The following PTPRM variants were observed in gnomAD, a reference collection of about 807,000 sequenced individuals.
PTPRM encodes protein tyrosine phosphatase receptor type M, also known as receptor-type tyrosine-protein phosphatase mu.
PTPRM carries 47 observed loss-of-function variants against 186.7 expected under a neutral mutation model. The ratio of observed to expected loss-of-function variants is 0.25; its 90% CI spans 0.20 to 0.32. The LOEUF (loss-of-function observed/expected upper bound fraction) is 0.32, where lower values mean the gene tolerates loss of function less well. Among genes scored for constraint, PTPRM ranks in the 10% least tolerant of loss-of-function variants. The pLI, the probability that PTPRM is intolerant of heterozygous loss-of-function variation, is 1.00. For missense variants in PTPRM, 1,494 were observed against 1,865.0 expected (o/e 0.80, Z 3.66); for synonymous variants, 668 against 674.9 (o/e 0.99, Z 0.16).
intron 19 of PTPRM, 62 bp from the exon 20 acceptor site, chr18:8,296,306 A>G (rs1601684356): frequency 6.8e-6 from 7 of 1,031,328 alleles, no homozygotes; most frequent in Admixed American, 1.7e-5. Context: ...AACATCCTCC[A>G]TCGTTAAGAT....
intron 3 of PTPRM, among the ~76,000 whole-genome samples, chr18:7,903,505 A>C (rs1253939548): frequency 2.0e-5 from 3 of 152,202 alleles, no homozygotes; most frequent in East Asian, 3.9e-4. Flanking sequence ...TTTTTCCTTT[A>C]CTTGCTCTCA....
At chr18:7,730,319 T>C (rs2040632499) in intron 1 of PTPRM, among the ~76,000 whole-genome samples, 1 of 152,204 alleles carries the variant, frequency 6.6e-6, no homozygotes, top group South Asian at 2.1e-4. Flanking sequence ...CTGACACTGT[T>C]TGAATATTTA....
chr18:8,210,725 T>A (rs2093991990), intron 14 of PTPRM, among the ~76,000 whole-genome samples: 1 of 152,144 alleles, frequency 6.6e-6, no homozygotes, highest in Non-Finnish European at 1.5e-5. Context: ...CAGATGATAT[T>A]TAAAACAACG....
At chr18:8,251,566 A>G (rs1307279682) in intron 17 of PTPRM, 1 of 152,252 alleles carries the variant, frequency 6.6e-6, no homozygotes, top group Non-Finnish European at 1.5e-5. Context: ...AACAAAAATC[A>G]TAAAATCAAC....
chr18:7,725,763 G>C (rs541872865), intron 1 of PTPRM, among the ~76,000 whole-genome samples: 2 of 152,092 alleles, frequency 1.3e-5, no homozygotes, highest in African/African-American at 4.8e-5. Context: ...TCTCCCCTTC[G>C]CGCTGAGAGC....
intron 7 of PTPRM, among the ~76,000 whole-genome samples, chr18:7,976,536 G>A (rs1599819215): frequency 6.6e-6 from 1 of 152,282 alleles, no homozygotes; most frequent in South Asian, 2.1e-4. Context: ...AGGGGATTGT[G>A]GGGAATCTTC....
At chr18:8,386,095 G>A (rs1052235587) in intron 30 of PTPRM, among the ~76,000 whole-genome samples, 6 of 152,096 alleles carry the variant, frequency 3.9e-5, no homozygotes, top group African/African-American at 1.4e-4. Flanking sequence ...TGGGTGGGGG[G>A]CATTGTGGAG....
At chr18:8,056,634 A>C (rs1391716759) in intron 7 of PTPRM, among the ~76,000 whole-genome samples, 3 of 152,170 alleles carry the variant, frequency 2.0e-5, no homozygotes, top group Non-Finnish European at 4.4e-5. Flanking sequence ...AAGAAAAAAA[A>C]AAAAAGATAA....
intron 19 of PTPRM, among the ~76,000 whole-genome samples, chr18:8,289,579 T>TATATATATACACATATATATATATAC (rs2095015564): frequency 6.7e-5 from 7 of 103,836 alleles, no homozygotes; most frequent in Non-Finnish European, 1.4e-4. Flanking sequence ...TATATATACA[T>TATATATATACACATATATATATATAC]ATATATATAC....
intron 1 of PTPRM, among the ~76,000 whole-genome samples, chr18:7,658,351 T>TATATATATATATATATATATATATATAC (rs1296978439): frequency 1.5e-5 from 2 of 133,832 alleles, no homozygotes; most frequent in African/African-American, 6.2e-5. Flanking sequence ...TATATATATA[T>TATATATATATATATATATATATATATAC]ATATATATAC....
At chr18:7,974,385 G>C (rs1041734513) in intron 7 of PTPRM, among the ~76,000 whole-genome samples, 3 of 152,146 alleles carry the variant, frequency 2.0e-5, no homozygotes, top group Non-Finnish European at 4.4e-5. Context: ...TTTACATGAA[G>C]CAAAGCTTAC....
chr18:7,715,582 T>G (rs534266261), intron 1 of PTPRM, among the ~76,000 whole-genome samples: 11 of 152,324 alleles, frequency 7.2e-5, no homozygotes, highest in Admixed American at 3.3e-4. Context: ...TGTTTGCATA[T>G]GACATGATTG....
rs1315122108 is a variant in PTPRM at position 8,248,372 on chromosome 18, G to T, written c.2554+196G>T. The T allele has an allele frequency of 7.4e-6, 5 of 675,886 alleles. No individual in the cohort carries two copies. The Admixed American group carries it at 8.5e-5, about 11-fold the overall frequency. The allele number at this position is 675,886 out of a possible 1,614,324, so 41.9% of individuals were successfully genotyped here. On this transcript the variant is annotated intron_variant, in intron 17 of 32. Coordinates refer to ENST00000580170, the MANE Select transcript of PTPRM (RefSeq NM_001105244.2). ...TAAACAGTCGCCATTAATAAGAGGG[G>T]TTTGCTGCATGTATCTTGGGGATGA...
intron 1 of PTPRM, among the ~76,000 whole-genome samples, chr18:7,754,210 G>T (rs1233773932): frequency 6.6e-6 from 1 of 152,106 alleles, no homozygotes; most frequent in Non-Finnish European, 1.5e-5. Context: ...CATATACCTT[G>T]TAGTTTTTGT....
intron 4 of PTPRM, among the ~76,000 whole-genome samples, chr18:7,907,917 A>T (rs2050075774): frequency 6.6e-6 from 1 of 150,928 alleles, no homozygotes; most frequent in East Asian, 1.9e-4. Context: ...TAAGTGTTAG[A>T]TATTTTAGGT....
intron 2 of PTPRM, among the ~76,000 whole-genome samples, chr18:7,865,523 C>T (rs2047638675): frequency 6.6e-6 from 1 of 152,126 alleles, no homozygotes; most frequent in Admixed American, 6.5e-5. Context: ...CCTTGCATCC[C>T]AGGGATGAAG....
chr18:7,659,109 C>T (rs1000741020), intron 1 of PTPRM, among the ~76,000 whole-genome samples: 2 of 141,382 alleles, frequency 1.4e-5, no homozygotes, highest in African/African-American at 5.7e-5. Context: ...TACACATGCA[C>T]ATGTATGTAC....
At chr18:8,154,204 G>A (rs748339008) in intron 14 of PTPRM, among the ~76,000 whole-genome samples, 1 of 152,128 alleles carries the variant, frequency 6.6e-6, no homozygotes, top group Non-Finnish European at 1.5e-5. Flanking sequence ...AATGGAAAAA[G>A]GAATGAGAGA....
At chr18:7,660,235 C>T (rs1598319764) in intron 1 of PTPRM, among the ~76,000 whole-genome samples, 1 of 152,010 alleles carries the variant, frequency 6.6e-6, no homozygotes, top group Admixed American at 6.5e-5. Context: ...ACTTGGGAGG[C>T]CAAGACAGCA....
Sources: allele counts gnomAD v4.1 joint callset (sites outside exome capture counted in the v4.1 genomes callset), GRCh38; gene constraint gnomAD v4.1.1; transcripts MANE v1.5; gene names NCBI Gene and HGNC (gene_info 2026-07-23, HGNC 2026-07-21).